RAD51B: variants seen among roughly 807,000 people sequenced by gnomAD.
RAD51B encodes DNA repair protein RAD51 homolog 2.
Under a neutral mutation model 42.2 loss-of-function variants are expected in RAD51B, and 38 were observed. The ratio of observed to expected loss-of-function variants is 0.90; its 90% CI spans 0.70 to 1.18. The LOEUF (loss-of-function observed/expected upper bound fraction) is 1.18. Among genes scored for constraint, RAD51B ranks in the 50% most tolerant of loss-of-function variants. The probability of loss-of-function intolerance (pLI) is 0.00; values close to 1 mark genes in which losing one functional copy is unlikely to be tolerated. For synonymous variants in RAD51B, 154 were observed against 145.2 expected (o/e 1.06, Z -0.43); for missense variants, 373 against 400.7 (o/e 0.93, Z 0.59).
intron 7 of RAD51B, among the ~76,000 whole-genome samples, chr14:68,167,906 A>G (rs2078785764): frequency 6.6e-6 from 1 of 152,158 alleles, no homozygotes; most frequent in Non-Finnish European, 1.5e-5. Context: ...ATTTTATTGT[A>G]TATACTTTAA....
At chr14:68,161,214 C>T (rs963192176) in intron 7 of RAD51B, among the ~76,000 whole-genome samples, 1 of 152,168 alleles carries the variant, frequency 6.6e-6, no homozygotes, top group Non-Finnish European at 1.5e-5. Flanking sequence ...ATTGAAAAAT[C>T]TAAGGAGTAG....
intron 10 of RAD51B, among the ~76,000 whole-genome samples, chr14:68,608,104 G>A (rs1464079595): frequency 8.5e-5 from 13 of 152,164 alleles, no homozygotes; most frequent in African/African-American, 1.7e-4. Context: ...GGCACAGCGC[G>A]TGCCATGAGA....
At chr14:68,420,950 T>C (rs10132294) in intron 9 of RAD51B, among the ~76,000 whole-genome samples, 43,699 of 152,090 alleles carry the variant, frequency 0.29, 7,607 homozygotes, top group East Asian at 0.51. Context: ...GTGATGATTC[T>C]GCTGGGTTGC....
At chr14:68,647,881 T>C (rs1892593046) in intron 10 of RAD51B, among the ~76,000 whole-genome samples, 1 of 151,850 alleles carries the variant, frequency 6.6e-6, no homozygotes, top group Admixed American at 6.6e-5. Flanking sequence ...TTTCTCCATG[T>C]TGATCAGGCT....
At chr14:68,269,874 A>G (rs2081071360) in intron 7 of RAD51B, among the ~76,000 whole-genome samples, 1 of 152,134 alleles carries the variant, frequency 6.6e-6, no homozygotes, top group Non-Finnish European at 1.5e-5. Flanking sequence ...TGTACCATGA[A>G]AAGGGCTGTT....
At chr14:68,314,328 A>C (rs1566802742) in intron 8 of RAD51B, among the ~76,000 whole-genome samples, 2 of 152,032 alleles carry the variant, frequency 1.3e-5, no homozygotes, top group African/African-American at 2.4e-5. Context: ...TCCTGCCCGA[A>C]TGTCTCTCAG....
At chr14:67,860,418 G>A (rs2139974984) in intron 4 of RAD51B, among the ~76,000 whole-genome samples, 1 of 152,218 alleles carries the variant, frequency 6.6e-6, no homozygotes, top group East Asian at 1.9e-4. Context: ...GAATTTCCTG[G>A]GATAACGATA....
chr14:68,347,785 G>T (rs2082704302), intron 8 of RAD51B, among the ~76,000 whole-genome samples: 1 of 152,176 alleles, frequency 6.6e-6, no homozygotes, highest in African/African-American at 2.4e-5. Context: ...GGTCACTTTT[G>T]ATCTTTATTA....
intron 10 of RAD51B, among the ~76,000 whole-genome samples, chr14:68,573,571 C>G (rs982073111): frequency 3.3e-5 from 5 of 152,208 alleles, no homozygotes; most frequent in African/African-American, 9.7e-5. Context: ...TATTTGTCAC[C>G]AAATAACACA....
Position 67,831,790 on chromosome 14 carries a change from G to A in RAD51B, c.199-3290G>A, listed in dbSNP as rs993875408. Among the ~76,000 whole-genome samples the A allele has an allele frequency of 4.6e-5, 7 of 151,778 alleles. No homozygotes were observed. In the East Asian group the frequency reaches 1.2e-3, roughly 25 times the overall value. On this transcript the variant is annotated intron_variant, in intron 3 of 10. Transcript: ENST00000471583. Reference sequence around the variant, plus strand: ...AACTCCGGACCTCAGGTGATACGCCGGCCTCGGCCTCCCAAAATGCTGGGA... The same window carrying A: ...AACTCCGGACCTCAGGTGATACGCCAGCCTCGGCCTCCCAAAATGCTGGGA...
chr14:68,287,185 A>G (rs1417800185), intron 7 of RAD51B, among the ~76,000 whole-genome samples: 1 of 152,182 alleles, frequency 6.6e-6, no homozygotes, highest in Non-Finnish European at 1.5e-5. Flanking sequence ...CTATGAATCT[A>G]TACCCCGTAT....
intron 10 of RAD51B, among the ~76,000 whole-genome samples, chr14:68,473,221 T>C (rs1284682842): frequency 6.6e-6 from 1 of 152,238 alleles, no homozygotes; most frequent in Non-Finnish European, 1.5e-5. Context: ...GGCATTCTTG[T>C]AGGAGCCTGG....
intron 7 of RAD51B, among the ~76,000 whole-genome samples, chr14:68,213,899 A>G (rs983251391): frequency 1.3e-5 from 2 of 152,246 alleles, no homozygotes; most frequent in Non-Finnish European, 2.9e-5. Context: ...GAGAAAGAGT[A>G]GATGCCATTG....
chr14:67,907,278 G>A (rs144140809), intron 7 of RAD51B, among the ~76,000 whole-genome samples: 25 of 151,860 alleles, frequency 1.6e-4, no homozygotes, highest in Admixed American at 7.2e-4. Context: ...TGCTAGCTTC[G>A]GAGTTGGTAT....
intron 10 of RAD51B, among the ~76,000 whole-genome samples, chr14:68,487,749 T>C (rs1883743465): frequency 6.6e-6 from 1 of 152,190 alleles, no homozygotes; most frequent in Admixed American, 6.5e-5. Flanking sequence ...CCAGAGGTAA[T>C]CTGCCTGACT....
chr14:68,517,411 C>G (rs1359215583), intron 10 of RAD51B, among the ~76,000 whole-genome samples: 1 of 152,082 alleles, frequency 6.6e-6, no homozygotes, highest in Non-Finnish European at 1.5e-5. Flanking sequence ...TGAAGAATGC[C>G]GTGACTGCCA....
intron 7 of RAD51B, among the ~76,000 whole-genome samples, chr14:68,204,086 C>T (rs1305358316): frequency 2.6e-5 from 4 of 152,168 alleles, no homozygotes; most frequent in Non-Finnish European, 4.4e-5. Context: ...TTTTGCTTTG[C>T]ATTCATAACT....
intron 8 of RAD51B, among the ~76,000 whole-genome samples, chr14:68,393,300 T>C (rs2083812988): frequency 1.3e-5 from 2 of 152,170 alleles, no homozygotes; most frequent in Admixed American, 6.5e-5. Context: ...GTATTCCGCT[T>C]CTCCAGTTTC....
chr14:68,606,695 A>G (rs528511571), intron 10 of RAD51B, among the ~76,000 whole-genome samples: 15 of 152,306 alleles, frequency 9.8e-5, no homozygotes, highest in South Asian at 4.1e-4. Flanking sequence ...TTTGGAAGGA[A>G]TCGCATCTTA....
Sources: gnomAD v4.1 joint callset for allele counts (sites outside exome capture counted in the v4.1 genomes callset) on GRCh38, gnomAD v4.1.1 for gene constraint, MANE v1.5 for transcripts, NCBI Gene and HGNC (gene_info 2026-07-23, HGNC 2026-07-21) for gene names.